Variants in ZNF704 observed in about 807,000 individuals in gnomAD.
ZNF704 encodes the protein zinc finger protein 704, also known as glucocorticoid induced gene 1.
A neutral mutation model predicts 44.7 loss-of-function variants in ZNF704; 10 were observed. That is an observed-to-expected ratio of 0.22 (90% CI 0.14 to 0.38). The LOEUF (loss-of-function observed/expected upper bound fraction) is 0.38, where lower values mean the gene tolerates loss of function less well. Ranked by LOEUF, ZNF704 falls within the 10% of genes least tolerant of loss-of-function variation. ZNF704 has a pLI of 1.00. For missense variants in ZNF704, 390 were observed against 545.5 expected (o/e 0.71, Z 2.84); for synonymous variants, 211 against 207.6 (o/e 1.02, Z -0.14).
intron 2 of ZNF704, among the ~76,000 whole-genome samples, chr8:80,736,465 A>G (rs553473962): frequency 6.6e-6 from 1 of 152,224 alleles, no homozygotes; most frequent in African/African-American, 2.4e-5. Flanking sequence ...TTTTTAGTAG[A>G]GACAGGGTTT....
At chr8:80,674,798 C>A (rs188751317) in intron 4 of ZNF704, among the ~76,000 whole-genome samples, 49 of 152,272 alleles carry the variant, frequency 3.2e-4, no homozygotes, top group Admixed American at 3.0e-3. Context: ...CAAGTCCTCA[C>A]ACTACAAATG....
At chr8:80,753,391 T>C (rs1806981118) in intron 2 of ZNF704, among the ~76,000 whole-genome samples, 1 of 152,118 alleles carries the variant, frequency 6.6e-6, no homozygotes, top group Admixed American at 6.5e-5. Flanking sequence ...CAGCACTATA[T>C]TTAGAGCCAT....
intron 2 of ZNF704, among the ~76,000 whole-genome samples, chr8:80,740,258 C>T (rs1171561132): frequency 1.3e-5 from 2 of 152,162 alleles, no homozygotes; most frequent in Non-Finnish European, 2.9e-5. Flanking sequence ...CCATTATACA[C>T]CTGAACATAG....
At chr8:80,692,402 T>C (rs550350506) in intron 3 of ZNF704, among the ~76,000 whole-genome samples, 4 of 152,316 alleles carry the variant, frequency 2.6e-5, no homozygotes, top group Admixed American at 1.3e-4. Context: ...TACTGACACA[T>C]AGTAATGCTT....
chr8:80,704,417 C>T (rs991095929), intron 2 of ZNF704, among the ~76,000 whole-genome samples: 2 of 152,236 alleles, frequency 1.3e-5, no homozygotes, highest in African/African-American at 2.4e-5. Flanking sequence ...ATCCCTGTCT[C>T]CTGCTGTACA....
chr8:80,795,039 T>A (rs900421177), intron 2 of ZNF704, among the ~76,000 whole-genome samples: 1 of 152,178 alleles, frequency 6.6e-6, no homozygotes, highest in Non-Finnish European at 1.5e-5. Flanking sequence ...AACCATGAGA[T>A]GAGCGACAGA....
At position 80,665,108 on chromosome 8, in the gene ZNF704, C is replaced by T. The variant is rs1818169771; in HGVS notation, c.660-26G>A. On this transcript the variant is annotated intron_variant, in intron 5 of 8. Coordinates refer to ENST00000327835, the MANE Select transcript of ZNF704 (RefSeq NM_001033723.3). ...CTAATGCAAAAGAGAGTAAAACAAT[C>T]ATACTAAGCCAATCTGTTTTCTTGC... 1.9e-6 allele frequency: 3 copies of T among 1,604,164 alleles called. No homozygotes were observed. In the East Asian group the frequency reaches 6.7e-5, roughly 36 times the overall value.
chr8:80,843,785 T>TA (rs1400294015), intron 1 of ZNF704, among the ~76,000 whole-genome samples: 1 of 152,126 alleles, frequency 6.6e-6, no homozygotes, highest in African/African-American at 2.4e-5. Context: ...AGCCCACACA[T>TA]ACACCAGTCT....
intron 4 of ZNF704, among the ~76,000 whole-genome samples, chr8:80,686,138 G>A (rs1818530984): frequency 6.6e-6 from 1 of 152,140 alleles, no homozygotes; most frequent in African/African-American, 2.4e-5. Flanking sequence ...TGTACCTAAA[G>A]AGAATGAAAA....
chr8:80,745,028 TTGAA>T (rs1312420618), intron 2 of ZNF704, among the ~76,000 whole-genome samples: 6 of 152,212 alleles, frequency 3.9e-5, no homozygotes, highest in African/African-American at 1.4e-4. Context: ...CATTTACAAT[TTGAA>T]TGATCAACTT....
chr8:80,794,912 T>C (rs1438850068), intron 2 of ZNF704, among the ~76,000 whole-genome samples: 3 of 152,226 alleles, frequency 2.0e-5, no homozygotes, highest in Non-Finnish European at 1.5e-5. Context: ...AACTTTTTCA[T>C]GTACATGTTT....
At chr8:80,694,213 G>A (rs1246697207) in intron 2 of ZNF704, 3 of 152,164 alleles carry the variant, frequency 2.0e-5, no homozygotes, top group African/African-American at 4.8e-5. Flanking sequence ...AGTAGGTCAT[G>A]GGAATAGTTA....
chr8:80,756,915 GGGCA>G (rs959220760), intron 2 of ZNF704, among the ~76,000 whole-genome samples: 32 of 152,110 alleles, frequency 2.1e-4, no homozygotes, highest in Admixed American at 3.9e-4. Flanking sequence ...GTGTGCAAAG[GGGCA>G]AGTATTATGA....
chr8:80,743,277 C>G (rs1430909442), intron 2 of ZNF704, among the ~76,000 whole-genome samples: 2 of 137,934 alleles, frequency 1.4e-5, no homozygotes, highest in Admixed American at 1.4e-4. Flanking sequence ...ATGACATTAA[C>G]ACGTTCTTAT....
intron 2 of ZNF704, among the ~76,000 whole-genome samples, chr8:80,783,661 C>T (rs1380221463): frequency 6.6e-6 from 1 of 151,636 alleles, no homozygotes; most frequent in Non-Finnish European, 1.5e-5. Flanking sequence ...CCCATGTTCC[C>T]CCTTCCCTCA....
chr8:80,855,445 G>C (rs1808943578), intron 1 of ZNF704, among the ~76,000 whole-genome samples: 2 of 152,102 alleles, frequency 1.3e-5, no homozygotes. Flanking sequence ...ATACCATTCA[G>C]CCATAAAAAA....
At chr8:80,717,937 C>A (rs1383251497) in intron 2 of ZNF704, among the ~76,000 whole-genome samples, 2 of 152,206 alleles carry the variant, frequency 1.3e-5, no homozygotes, top group Non-Finnish European at 2.9e-5. Flanking sequence ...CAGAGCTGAA[C>A]TTGCATACAA....
chr8:80,736,700 A>G (rs1409620614), intron 2 of ZNF704, among the ~76,000 whole-genome samples: 1 of 152,152 alleles, frequency 6.6e-6, no homozygotes, highest in Non-Finnish European at 1.5e-5. Flanking sequence ...CAGGGGAAAT[A>G]GTGGGAGGAG....
intron 1 of ZNF704, among the ~76,000 whole-genome samples, chr8:80,871,234 A>C (rs1809247435): frequency 6.6e-6 from 1 of 152,172 alleles, no homozygotes; most frequent in African/African-American, 2.4e-5. Context: ...TTATTGCTTA[A>C]AACTTTTCAA....
Sources: allele counts gnomAD v4.1 joint callset (sites outside exome capture counted in the v4.1 genomes callset), GRCh38; gene constraint gnomAD v4.1.1; transcripts MANE v1.5; gene names NCBI Gene and HGNC (gene_info 2026-07-23, HGNC 2026-07-21).